Variants in ZC3H12B observed in about 807,000 individuals in gnomAD.
The protein encoded by ZC3H12B is probable ribonuclease ZC3H12B.
In ZC3H12B, 7 loss-of-function variants were observed where a neutral mutation model predicts 43.9. The observed-to-expected ratio is 0.16, with a 90% CI of 0.09 to 0.30. ZC3H12B has a LOEUF of 0.30. Among genes scored for constraint, ZC3H12B ranks in the 10% least tolerant of loss-of-function variants. ZC3H12B has a pLI of 1.00. For missense variants in ZC3H12B, 475 were observed against 670.2 expected, an observed-to-expected ratio of 0.71 and a Z score of 3.22; for synonymous variants, 222 against 241.7, an observed-to-expected ratio of 0.92 and a Z score of 0.76.
chrX:65,426,321 T>G (rs1487853322), intron 3 of ZC3H12B, among the ~76,000 whole-genome samples: 2 of 106,588 alleles, frequency 1.9e-5, no homozygotes, highest in Non-Finnish European at 3.9e-5. Context: ...TTATCATTTC[T>G]GTTTATTTGA....
At chrX:65,491,430 G>T (rs1019227790) in intron 1 of ZC3H12B, among the ~76,000 whole-genome samples, 1 of 111,449 alleles carries the variant, frequency 9.0e-6, no homozygotes, top group Non-Finnish European at 1.9e-5. Flanking sequence ...ATTTGGGCCA[G>T]GTACGGTGGC....
the ZC3H12B span, among the ~76,000 whole-genome samples, chrX:65,134,200 G>T: frequency 9.0e-6 from 1 of 110,547 alleles, no homozygotes; most frequent in Non-Finnish European, 1.9e-5. Context: ...AGAGAAGAGG[G>T]GTGGTGAGCA....
chrX:65,181,290 T>A, the ZC3H12B span, among the ~76,000 whole-genome samples: 1 of 111,519 alleles, frequency 9.0e-6, no homozygotes, highest in Non-Finnish European at 1.9e-5. Flanking sequence ...AATCCTAAAA[T>A]TATAAAATCC....
At chrX:65,143,603 C>T in the ZC3H12B span, among the ~76,000 whole-genome samples, 2 of 107,807 alleles carry the variant, frequency 1.9e-5, no homozygotes, top group Admixed American at 1.0e-4. Flanking sequence ...CCCTCTGTTG[C>T]CCAGGTTGGA....
the ZC3H12B span, among the ~76,000 whole-genome samples, chrX:65,177,392 A>G: frequency 8.9e-6 from 1 of 111,746 alleles, no homozygotes; most frequent in East Asian, 2.8e-4. Flanking sequence ...ATCTCTCACA[A>G]CTCCTATTCA....
At chrX:65,161,541 T>C in the ZC3H12B span, among the ~76,000 whole-genome samples, 9 of 111,824 alleles carry the variant, frequency 8.0e-5, no homozygotes, top group Non-Finnish European at 1.5e-4. Flanking sequence ...TCTTTTGATC[T>C]TTGTTGGTTT....
upstream of ZC3H12B, among the ~76,000 whole-genome samples, chrX:65,363,146 C>A (rs748547978): frequency 7.2e-5 from 8 of 111,171 alleles, no homozygotes; most frequent in South Asian, 1.1e-3. Context: ...TCTTTCCACC[C>A]CTCTGCTTCT....
chrX:65,093,571 C>T, the ZC3H12B span, among the ~76,000 whole-genome samples: 1 of 112,263 alleles, frequency 8.9e-6, no homozygotes, highest in South Asian at 3.7e-4. Flanking sequence ...GACATGGATT[C>T]AAAGTAGATT....
chrX:65,200,879 G>A, the ZC3H12B span, among the ~76,000 whole-genome samples: 1 of 111,841 alleles, frequency 8.9e-6, no homozygotes, highest in East Asian at 2.8e-4. Flanking sequence ...CTTGCATCAA[G>A]AGGATGAAGC....
the ZC3H12B span, among the ~76,000 whole-genome samples, chrX:65,311,588 A>T: frequency 8.9e-6 from 1 of 112,004 alleles, no homozygotes; most frequent in African/African-American, 3.2e-5. Context: ...CAATGTGGTG[A>T]TTCCTCAAGG....
Position 65,500,459 on chromosome X carries a change from GCT to G in ZC3H12B, c.1090+473_1090+474del, listed in dbSNP as rs1237614709. On this transcript the variant is annotated intron_variant, in intron 4 of 4. Transcript: ENST00000338957. ...TGTTTGTTTTTTGAGACAAAGTCTT[GCT>G]CTGTCACCTAGGCTGCAGTGCAGTG... 3.6e-5 allele frequency among the ~76,000 whole-genome samples: 4 copies of G among 111,796 alleles called. No homozygotes were observed. The East Asian group carries it at 1.1e-3, about 31-fold the overall frequency.
At chrX:65,260,095 T>C in the ZC3H12B span, among the ~76,000 whole-genome samples, 1 of 110,676 alleles carries the variant, frequency 9.0e-6, no homozygotes, top group Non-Finnish European at 1.9e-5. Flanking sequence ...TGGCGAGGGA[T>C]AAAAAAACTA....
chrX:65,411,106 C>A (rs775459036), intron 3 of ZC3H12B, among the ~76,000 whole-genome samples: 2 of 112,132 alleles, frequency 1.8e-5, no homozygotes, highest in Non-Finnish European at 3.8e-5. Context: ...TGCATACACA[C>A]AATGGAGTAC....
the ZC3H12B span, among the ~76,000 whole-genome samples, chrX:65,161,474 A>C: frequency 8.9e-6 from 1 of 111,947 alleles, no homozygotes; most frequent in Non-Finnish European, 1.9e-5. Flanking sequence ...TATTAATGAT[A>C]GTTAGCTCTT....
the ZC3H12B span, among the ~76,000 whole-genome samples, chrX:65,241,512 T>G: frequency 2.7e-5 from 3 of 111,299 alleles, no homozygotes; most frequent in Non-Finnish European, 5.7e-5. Context: ...CTGGCTGGAG[T>G]TGCTGAAATT....
chrX:65,337,804 T>C, the ZC3H12B span, among the ~76,000 whole-genome samples: 2 of 112,615 alleles, frequency 1.8e-5, no homozygotes, highest in South Asian at 7.3e-4. Flanking sequence ...TTAAGTTCCT[T>C]CTGGATACAT....
intron 3 of ZC3H12B, among the ~76,000 whole-genome samples, chrX:65,417,185 C>A (rs1309940154): frequency 9.0e-6 from 1 of 111,458 alleles, no homozygotes; most frequent in Non-Finnish European, 1.9e-5. Flanking sequence ...TAGATAATAC[C>A]TATGTACAGG....
the ZC3H12B span, among the ~76,000 whole-genome samples, chrX:65,082,605 A>T: frequency 9.0e-6 from 1 of 111,172 alleles, no homozygotes. Flanking sequence ...AAGTAATGAG[A>T]TCGAAGCTGT....
chrX:65,229,212 C>G, the ZC3H12B span, among the ~76,000 whole-genome samples: 1 of 110,641 alleles, frequency 9.0e-6, no homozygotes, highest in Non-Finnish European at 1.9e-5. Context: ...CACAACAGAG[C>G]CCTCAGAAAT....
Sources: gnomAD v4.1 joint callset for allele counts (sites outside exome capture counted in the v4.1 genomes callset) on GRCh38, gnomAD v4.1.1 for gene constraint, MANE v1.5 for transcripts, NCBI Gene and HGNC (gene_info 2026-07-23, HGNC 2026-07-21) for gene names.